MTUS2: variants seen among roughly 807,000 people sequenced by gnomAD.
MTUS2 encodes the protein microtubule-associated tumor suppressor candidate 2.
Under a neutral mutation model 114.1 loss-of-function variants are expected in MTUS2, and 40 were observed. The observed-to-expected ratio is 0.35, with a 90% CI of 0.27 to 0.46. The LOEUF (loss-of-function observed/expected upper bound fraction) is 0.46. Among genes scored for constraint, MTUS2 ranks in the 20% least tolerant of loss-of-function variants. The pLI is 1.00. For missense variants in MTUS2, 1,679 were observed against 1,705.4 expected, an observed-to-expected ratio of 0.98 and a Z score of 0.27; for synonymous variants, 688 against 672.0, an observed-to-expected ratio of 1.02 and a Z score of -0.37.
At chr13:29,252,490 T>C (rs1897155393) in intron 5 of MTUS2, among the ~76,000 whole-genome samples, 1 of 152,070 alleles carries the variant, frequency 6.6e-6, no homozygotes, top group South Asian at 2.1e-4. Flanking sequence ...GTTTAGAAAA[T>C]GTAGGAGGCA....
At chr13:28,965,142 C>T (rs1023972094) in intron 2 of MTUS2, among the ~76,000 whole-genome samples, 1 of 152,174 alleles carries the variant, frequency 6.6e-6, no homozygotes, top group Non-Finnish European at 1.5e-5. Flanking sequence ...GATCTCTCTT[C>T]TAGCTCTTCC....
chr13:29,055,096 A>G (rs559687159), intron 4 of MTUS2, among the ~76,000 whole-genome samples: 2 of 151,988 alleles, frequency 1.3e-5, no homozygotes, highest in Non-Finnish European at 2.9e-5. Flanking sequence ...ATTATTTTTT[A>G]AAAAATTTGT....
At chr13:29,031,390 G>A (rs956735796) in intron 3 of MTUS2, among the ~76,000 whole-genome samples, 1 of 151,812 alleles carries the variant, frequency 6.6e-6, no homozygotes, top group Non-Finnish European at 1.5e-5. Flanking sequence ...TATAGAGAGG[G>A]TACATCACAT....
chr13:29,290,555 C>T (rs1214897321), intron 6 of MTUS2, among the ~76,000 whole-genome samples: 2 of 152,192 alleles, frequency 1.3e-5, no homozygotes, highest in Non-Finnish European at 2.9e-5. Context: ...TGGTCTCGAT[C>T]TCCTGACCTC....
chr13:29,378,775 AC>A lies in MTUS2; in HGVS notation c.3117+19307del, dbSNP rs767684885. ...GCTGAGTCCTGGAGGACTCAGTGGA[AC>A]CCCCATAATTTGGGAGATTTCAGAG... On this transcript the variant is annotated intron_variant, in intron 8 of 15. Transcript: ENST00000612955. Among the ~76,000 whole-genome samples the A allele has an allele frequency of 4.4e-4, 67 of 151,686 alleles. 2 individuals are homozygous for A. In the Middle Eastern group the frequency reaches 0.01, roughly 23 times the overall value.
At chr13:29,494,906 T>G (rs1490172925) in intron 12 of MTUS2, among the ~76,000 whole-genome samples, 2 of 151,638 alleles carry the variant, frequency 1.3e-5, no homozygotes, top group African/African-American at 2.4e-5. Flanking sequence ...CGGATGTGGG[T>G]CAGGCACATT....
intron 4 of MTUS2, among the ~76,000 whole-genome samples, chr13:29,048,654 G>A (rs1175154336): frequency 3.3e-5 from 5 of 152,158 alleles, no homozygotes; most frequent in African/African-American, 9.7e-5. Context: ...GGTTTTTGTA[G>A]AGACAAGGTC....
intron 4 of MTUS2, among the ~76,000 whole-genome samples, chr13:29,097,641 C>G (rs537679862): frequency 5.9e-5 from 9 of 152,152 alleles, no homozygotes; most frequent in Non-Finnish European, 1.2e-4. Flanking sequence ...TCTCACAGTT[C>G]TTGTGGCTGA....
chr13:28,978,844 C>T, intron 2 of MTUS2, among the ~76,000 whole-genome samples: 1 of 152,314 alleles, frequency 6.6e-6, no homozygotes, highest in Non-Finnish European at 1.5e-5. Flanking sequence ...GCCAGTGGTG[C>T]TATCAAAGGC....
intron 6 of MTUS2, among the ~76,000 whole-genome samples, chr13:29,305,674 C>T (rs1899418116): frequency 6.6e-6 from 1 of 152,026 alleles, no homozygotes; most frequent in Non-Finnish European, 1.5e-5. Context: ...AAACCCGTGA[C>T]CAGATGGATT....
intron 2 of MTUS2, among the ~76,000 whole-genome samples, chr13:28,973,832 G>C (rs1883965298): frequency 6.6e-6 from 1 of 152,206 alleles, no homozygotes; most frequent in Non-Finnish European, 1.5e-5. Flanking sequence ...CTAATATTTT[G>C]ATACCTGATG....
chr13:28,837,978 T>C (rs748997478), intron 1 of MTUS2, among the ~76,000 whole-genome samples: 5 of 149,062 alleles, frequency 3.4e-5, no homozygotes, highest in Non-Finnish European at 7.4e-5. Context: ...GTGAACAAAA[T>C]GACAGGTTTC....
intron 2 of MTUS2, among the ~76,000 whole-genome samples, chr13:28,963,539 A>T (rs1316523463): frequency 6.6e-6 from 1 of 152,170 alleles, no homozygotes; most frequent in Non-Finnish European, 1.5e-5. Context: ...GCATGCCTAT[A>T]TATAGTGTAT....
At chr13:29,341,643 T>C (rs1443734145) in intron 7 of MTUS2, among the ~76,000 whole-genome samples, 2 of 152,168 alleles carry the variant, frequency 1.3e-5, no homozygotes. Context: ...GCTTTTTAGT[T>C]GAATTAAGTC....
At chr13:28,973,375 T>TA (rs1213529479) in intron 2 of MTUS2, among the ~76,000 whole-genome samples, 2 of 152,194 alleles carry the variant, frequency 1.3e-5, no homozygotes, top group Admixed American at 1.3e-4. Flanking sequence ...TTTTTTCCAT[T>TA]AGATGTTTAT....
intron 2 of MTUS2, among the ~76,000 whole-genome samples, chr13:28,881,925 G>A (rs1377422880): frequency 6.6e-6 from 1 of 152,194 alleles, no homozygotes; most frequent in Admixed American, 6.5e-5. Flanking sequence ...TGGCCAATTG[G>A]TTTTTGACAA....
At chr13:29,283,834 A>T (rs946000351) in intron 6 of MTUS2, among the ~76,000 whole-genome samples, 1 of 152,222 alleles carries the variant, frequency 6.6e-6, no homozygotes, top group Non-Finnish European at 1.5e-5. Flanking sequence ...CCTCACTGAT[A>T]AGAAAAACGT....
chr13:29,309,479 C>T (rs1000275183), intron 6 of MTUS2, among the ~76,000 whole-genome samples: 3 of 151,844 alleles, frequency 2.0e-5, no homozygotes, highest in African/African-American at 4.8e-5. Flanking sequence ...TAATGGATGC[C>T]GGGCTTAATA....
At chr13:28,972,357 T>C (rs1441283470) in intron 2 of MTUS2, among the ~76,000 whole-genome samples, 7 of 152,094 alleles carry the variant, frequency 4.6e-5, no homozygotes, top group Admixed American at 4.6e-4. Flanking sequence ...ACCTAAGAAA[T>C]AATTGGTCCC....
Sources: gnomAD v4.1 joint callset for allele counts (sites outside exome capture counted in the v4.1 genomes callset) on GRCh38, gnomAD v4.1.1 for gene constraint, MANE v1.5 for transcripts, NCBI Gene and HGNC (gene_info 2026-07-23, HGNC 2026-07-21) for gene names.